TNFRSF19: variants seen among roughly 807,000 people sequenced by gnomAD.
The protein encoded by TNFRSF19 is TNF receptor superfamily member 19.
A neutral mutation model predicts 46.4 loss-of-function variants in TNFRSF19; 27 were observed. The ratio of observed to expected loss-of-function variants is 0.58; its 90% CI spans 0.43 to 0.80. The LOEUF (loss-of-function observed/expected upper bound fraction) is 0.80. TNFRSF19 is among the 30% of genes least tolerant of loss of function. TNFRSF19 has a pLI of 0.00. For missense variants in TNFRSF19, 511 were observed against 530.8 expected (o/e 0.96, Z 0.37); for synonymous variants, 204 against 205.0 (o/e 1.00, Z 0.04).
At chr13:23,626,187 CTGTG>C (rs35509472) in intron 4 of TNFRSF19, among the ~76,000 whole-genome samples, 43,559 of 145,360 alleles carry the variant, frequency 0.3, 6,864 homozygotes, top group East Asian at 0.46. Flanking sequence ...TCTTTAAAAT[CTGTG>C]TGTGTGTGTG....
Position 23,660,413 on chromosome 13 carries a change from G to A in TNFRSF19, c.659G>A (p.Cys220Tyr), listed in dbSNP as rs149014293. 2 of 1,613,862 alleles carry A rather than the reference G, an allele frequency of 1.2e-6. No homozygotes were observed. Among genetic ancestry groups the A allele is most frequent in the Non-Finnish European group, 1.7e-6 (2 of 1,180,030 alleles). ...DIQYNGSELSCFDRPQLHEYA... is the reference protein window; with the variant it reads ...DIQYNGSELSYFDRPQLHEYA... ...CAGTACAACGGCTCTGAGCTGTCGT[G>A]TTTTGACAGACCTCAGCTCCACGAA... The change falls in exon 7 of 10, where the codon TGT (cysteine) becomes TAT (tyrosine). Residue 220 changes from cysteine to tyrosine, a missense_variant. Physicochemically the swap from Cys to Tyr is radical, Grantham distance 194. Transcript: ENST00000248484.
At chr13:23,673,232 A>T (rs899496413) in intron 9 of TNFRSF19, 140 bp from the exon 10 acceptor site, 109 of 818,926 alleles carry the variant, frequency 1.3e-4, no homozygotes, top group Non-Finnish European at 4.3e-5. Flanking sequence ...CTATTGAATG[A>T]GTTTCTTGTC....
At chr13:23,594,192 G>A (rs778422006) in intron 3 of TNFRSF19, 13 of 450,094 alleles carry the variant, frequency 2.9e-5, no homozygotes, top group Middle Eastern at 7.0e-4. Flanking sequence ...GGCAGACACT[G>A]AGCTAGCTGC....
intron 1 of TNFRSF19, among the ~76,000 whole-genome samples, chr13:23,572,577 G>A (rs1877701407): frequency 6.6e-6 from 1 of 152,176 alleles, no homozygotes; most frequent in South Asian, 2.1e-4. Flanking sequence ...AAACAAAGGG[G>A]AGAATTAGCA....
intron 1 of TNFRSF19, among the ~76,000 whole-genome samples, chr13:23,580,444 T>C (rs1878330223): frequency 6.6e-6 from 1 of 152,270 alleles, no homozygotes; most frequent in Non-Finnish European, 1.5e-5. Flanking sequence ...ACAGTTATTG[T>C]TAAACATACC....
At chr13:23,638,303 G>T (rs1286984891) in intron 5 of TNFRSF19, among the ~76,000 whole-genome samples, 1 of 130,886 alleles carries the variant, frequency 7.6e-6, no homozygotes, top group Non-Finnish European at 1.8e-5. Flanking sequence ...GTTAATGATG[G>T]TATTTATGGT....
Position 23,570,546 on chromosome 13 carries a change from G to A in TNFRSF19, c.-337G>A, listed in dbSNP as rs1877577593. On this transcript the variant is annotated 5_prime_UTR_variant, in exon 1 of 10. Coordinates refer to ENST00000248484, the MANE Select transcript of TNFRSF19 (RefSeq NM_148957.4). ...GCAAAAAAGAGGAGGAAAACAACGT[G>A]ATCCATGTTTAACAAAAGAGTCTGT... The A allele has an allele frequency of 6.6e-6, 1 of 152,234 alleles. No homozygotes were observed. The highest frequency in any genetic ancestry group is 2.1e-4 in the South Asian group (1 of 4,830). 9.4% of individuals were successfully genotyped at this position (152,234 alleles called of 1,614,324 possible). A position where few individuals can be genotyped will look rare whatever the true frequency, so the allele number is the denominator to read the frequency against.
At position 23,630,627 on chromosome 13, in the gene TNFRSF19, A is replaced by T. The variant is rs529524869; in HGVS notation, c.445+3835A>T. Among the ~76,000 whole-genome samples, 6 of 152,304 alleles carry T rather than the reference A, an allele frequency of 3.9e-5. 1 individual carries two copies. Among genetic ancestry groups the T allele is most frequent in the African/African-American group, 1.2e-4 (5 of 41,554 alleles). On this transcript the variant is annotated intron_variant, in intron 5 of 9. Coordinates refer to ENST00000248484, the MANE Select transcript of TNFRSF19 (RefSeq NM_148957.4). ...AATAAAAGACACCCATTACATAGAA[A>T]TGCCTGCTGCAGGCATTGTTCCCCC...
At chr13:23,610,883 T>C (rs1880855135) in intron 3 of TNFRSF19, among the ~76,000 whole-genome samples, 1 of 152,100 alleles carries the variant, frequency 6.6e-6, no homozygotes, top group Admixed American at 6.5e-5. Flanking sequence ...AAAAATGTCT[T>C]CTCAAGGATT....
Position 23,669,822 on chromosome 13 carries a change from C to T in TNFRSF19, c.1245+725C>T, listed in dbSNP as rs917147106. On this transcript the variant is annotated intron_variant, in intron 9 of 9. Transcript: ENST00000248484. ...GGATGTGGCCTTTGCTGAATTTGAC[C>T]TAATGTTTGTAAACATTTCCTTAAA... 19 of 588,674 alleles carry T rather than the reference C, an allele frequency of 3.2e-5. No homozygotes were observed. In the Admixed American group the frequency reaches 5.1e-4, roughly 16 times the overall value. The allele number at this position is 588,674 out of a possible 1,614,324, so 36.5% of individuals were successfully genotyped here. A position where few individuals can be genotyped will look rare whatever the true frequency, so the allele number is the denominator to read the frequency against.
At chr13:23,652,786 A>G (rs1883728329) in intron 5 of TNFRSF19, among the ~76,000 whole-genome samples, 1 of 152,230 alleles carries the variant, frequency 6.6e-6, no homozygotes, top group Non-Finnish European at 1.5e-5. Context: ...CCATTAAGTC[A>G]TCTTTCTGGA....
At position 23,626,784 on chromosome 13, in the gene TNFRSF19, A is replaced by C. The variant is rs747142846; in HGVS notation, c.437A>C (p.Glu146Ala). The change falls in exon 5 of 10, where the codon GAA becomes GCA. Residue 146 changes from glutamate (E) to alanine (A), a missense_variant. Physicochemically the swap from Glu to Ala is moderately radical, Grantham distance 107. Around this residue, in one of 3 missense-constraint regions of TNFRSF19, gnomAD observed 376 missense variants for 372.7 expected, o/e 1.01. Coordinates refer to ENST00000248484, the MANE Select transcript of TNFRSF19 (RefSeq NM_148957.4). ...TGTGGAGACCCTCCTCCTCCTTACG[A>C]ACCGCACTGTGAGTGAACGCAACAC... Reference protein sequence around the residue: ...VPCGDPPPPYEPHCASKVNLV... With the variant: ...VPCGDPPPPYAPHCASKVNLV... The C allele has an allele frequency of 6.8e-6, 11 of 1,614,028 alleles. No homozygotes were observed. The highest frequency in any genetic ancestry group is 8.5e-6 in the Non-Finnish European group (10 of 1,180,012).
chr13:23,590,318 G>T (rs932358414), intron 2 of TNFRSF19, 66 bp downstream of exon 2: 11 of 962,176 alleles, frequency 1.1e-5, no homozygotes, highest in Non-Finnish European at 1.7e-5. Flanking sequence ...ATAAGTAGTA[G>T]GAGTACCAAA....
intron 3 of TNFRSF19, among the ~76,000 whole-genome samples, chr13:23,611,138 ACAC>A (rs1880886005): frequency 6.7e-6 from 1 of 149,788 alleles, no homozygotes; most frequent in South Asian, 2.2e-4. Context: ...ACACACACAC[ACAC>A]ACACACACAC....
chr13:23,602,719 A>G (rs577507659), intron 3 of TNFRSF19, among the ~76,000 whole-genome samples: 5 of 152,150 alleles, frequency 3.3e-5, no homozygotes, highest in African/African-American at 1.2e-4. Context: ...TAGCTGGAAA[A>G]CTCTAAAATA....
At chr13:23,638,863 C>T (rs1882864426) in intron 5 of TNFRSF19, among the ~76,000 whole-genome samples, 1 of 152,128 alleles carries the variant, frequency 6.6e-6, no homozygotes, top group South Asian at 2.1e-4. Flanking sequence ...TCCTGTTTTC[C>T]TTGAGTTTCA....
chr13:23,671,889 G>T (rs1951767128), intron 9 of TNFRSF19, among the ~76,000 whole-genome samples: 1 of 149,226 alleles, frequency 6.7e-6, no homozygotes, highest in East Asian at 2.0e-4. Context: ...TTTGATTTCA[G>T]CAGCTCACTA....
intron 3 of TNFRSF19, among the ~76,000 whole-genome samples, chr13:23,610,886 C>T (rs1471508665): frequency 6.6e-6 from 1 of 151,968 alleles, no homozygotes; most frequent in Non-Finnish European, 1.5e-5. Context: ...AATGTCTTCT[C>T]AAGGATTCGG....
chr13:23,652,093 C>T (rs1378818597), intron 5 of TNFRSF19, among the ~76,000 whole-genome samples: 1 of 152,066 alleles, frequency 6.6e-6, no homozygotes, highest in Admixed American at 6.6e-5. Context: ...GGCCCCTGCA[C>T]TTGTGGTTAT....
Sources: gnomAD v4.1 joint callset for allele counts (sites outside exome capture counted in the v4.1 genomes callset) on GRCh38, gnomAD v4.1.1 for gene constraint, gnomAD v4.1.1 regional missense constraint, MANE v1.5 for transcripts, NCBI Gene and HGNC (gene_info 2026-07-23, HGNC 2026-07-21) for gene names.